The following ANKRD28 variants were observed in gnomAD, a reference collection of about 807,000 sequenced individuals.
ANKRD28 encodes serine/threonine-protein phosphatase 6 regulatory ankyrin repeat subunit A.
A neutral mutation model predicts 126.5 loss-of-function variants in ANKRD28; 44 were observed. The ratio of observed to expected loss-of-function variants is 0.35; its 90% confidence interval spans 0.27 to 0.45. ANKRD28 has a LOEUF of 0.45. ANKRD28 is among the 20% of genes least tolerant of loss of function. ANKRD28 has a pLI of 1.00. For synonymous variants in ANKRD28, 442 were observed against 468.5 expected, an observed-to-expected ratio of 0.94 and a Z score of 0.73; for missense variants, 1,110 against 1,316.6, an observed-to-expected ratio of 0.84 and a Z score of 2.43.
intron 1 of ANKRD28, among the ~76,000 whole-genome samples, chr3:15,844,697 T>C (rs991743465): frequency 2.0e-5 from 3 of 152,140 alleles, no homozygotes; most frequent in Non-Finnish European, 4.4e-5. Context: ...ATAATCTCCG[T>C]ATTGATAATC....
intron 1 of ANKRD28, among the ~76,000 whole-genome samples, chr3:15,819,820 C>T (rs2060905352): frequency 6.6e-6 from 1 of 152,158 alleles, no homozygotes; most frequent in South Asian, 2.1e-4. Context: ...AATCAGAAAT[C>T]ATTAGGGGTG....
At chr3:15,778,824 C>T (rs563102849) in intron 2 of ANKRD28, among the ~76,000 whole-genome samples, 9 of 152,286 alleles carry the variant, frequency 5.9e-5, no homozygotes, top group Admixed American at 2.6e-4. Context: ...ATAATCCCTA[C>T]GTGTCAAGGA....
At chr3:15,746,142 T>C (rs1165353526) in intron 4 of ANKRD28, among the ~76,000 whole-genome samples, 1 of 152,234 alleles carries the variant, frequency 6.6e-6, no homozygotes, top group Non-Finnish European at 1.5e-5. Flanking sequence ...TATGCGATCA[T>C]ATCATCAGCA....
rs987393908 is a variant in ANKRD28 at position 15,803,970 on chromosome 3, T to C, written c.28-8664A>G. On this transcript the variant is annotated intron_variant, in intron 1 of 27. Coordinates refer to the ANKRD28 transcript ENST00000399451. The stretch of plus-strand genomic sequence containing the variant: ...GAATATTAAAAAAATTCATAAAGAA[T>C]GGTGAGATCTGGCTCAATTCTACTC... Among the ~76,000 whole-genome samples, 39 of 145,272 alleles carry C rather than the reference T, an allele frequency of 2.7e-4. 13 individuals carry two copies. The highest frequency in any genetic ancestry group is 1.2e-3 in the Admixed American group (17 of 14,708).
intron 8 of ANKRD28, among the ~76,000 whole-genome samples, chr3:15,715,055 C>T (rs896295089): frequency 1.3e-5 from 2 of 151,980 alleles, no homozygotes; most frequent in African/African-American, 2.4e-5. Flanking sequence ...AAAATAAATA[C>T]AAATAATTAA....
chr3:15,771,325 G>A (rs532842085), intron 2 of ANKRD28, among the ~76,000 whole-genome samples: 31 of 150,686 alleles, frequency 2.1e-4, no homozygotes, highest in Non-Finnish European at 3.1e-4. Flanking sequence ...CAGCAGAATC[G>A]CTTGAACCTG....
intron 21 of ANKRD28, among the ~76,000 whole-genome samples, chr3:15,682,039 A>AT (rs1245627396): frequency 2.6e-5 from 4 of 152,244 alleles, no homozygotes; most frequent in African/African-American, 9.6e-5. Flanking sequence ...CTCCAGGTAT[A>AT]TGGGTTCTTA....
Position 15,712,191 on chromosome 3 carries a change from A to T in ANKRD28, c.1222T>A (p.Leu408Met). The change falls in exon 11 of 28, where the codon TTG becomes ATG. Residue 408 changes from leucine (L) to methionine (M), a missense_variant. Transcript: ENST00000683139. ...RGIHGMFPLHLAALSGFSDCC... is the reference protein window; with the variant it reads ...RGIHGMFPLHMAALSGFSDCC... ...TCTGAAAAGCCGCTTAAGGCTGCCA[A>T]ATGGAGGGGGAACATTCCATGTATG... The T allele has an allele frequency of 6.3e-7, 1 of 1,586,606 alleles. No individual in the cohort carries two copies. Among genetic ancestry groups the T allele is most frequent in the Non-Finnish European group, 8.6e-7 (1 of 1,165,902 alleles).
chr3:15,702,805 C>T (rs1182196161), intron 14 of ANKRD28, among the ~76,000 whole-genome samples: 1 of 152,088 alleles, frequency 6.6e-6, no homozygotes, highest in East Asian at 1.9e-4. Context: ...TGGCATACAA[C>T]AGTTCTTACC....
chr3:15,712,339 C>T (rs1575322649), intron 10 of ANKRD28, 117 bp from the exon 11 acceptor site: 1 of 787,788 alleles, frequency 1.3e-6, no homozygotes, highest in East Asian at 2.7e-5. Flanking sequence ...AAATGTCTAA[C>T]ACTTCGGAGA....
At chr3:15,774,039 A>C (rs1267002290) in intron 2 of ANKRD28, among the ~76,000 whole-genome samples, 1 of 152,218 alleles carries the variant, frequency 6.6e-6, no homozygotes, top group Non-Finnish European at 1.5e-5. Context: ...TAAAGTACAA[A>C]GGCAAGTCAA....
chr3:15,768,665 G>C (rs1051283340), intron 2 of ANKRD28, among the ~76,000 whole-genome samples: 1 of 151,456 alleles, frequency 6.6e-6, no homozygotes, highest in Non-Finnish European at 1.5e-5. Context: ...GGGGGCGGCG[G>C]TGGGGCAGGG....
intron 2 of ANKRD28, among the ~76,000 whole-genome samples, chr3:15,775,497 C>T (rs1181788357): frequency 2.0e-5 from 3 of 152,112 alleles, no homozygotes; most frequent in African/African-American, 7.2e-5. Flanking sequence ...AAAAGACTGC[C>T]CCTTACTTCA....
At chr3:15,732,311 G>A (rs1317224574) in intron 6 of ANKRD28, 1 of 152,322 alleles carries the variant, frequency 6.6e-6, no homozygotes, top group African/African-American at 2.4e-5. Flanking sequence ...CAGTTGGGAT[G>A]TGTTCACTGA....
chr3:15,845,165 G>A lies in ANKRD28; in HGVS notation c.27+14212C>T, dbSNP rs2061505619. Among the ~76,000 whole-genome samples, 1 of 152,184 alleles carries A rather than the reference G, an allele frequency of 6.6e-6. No individual in the cohort carries two copies. Among genetic ancestry groups the A allele is most frequent in the Non-Finnish European group, 1.5e-5 (1 of 68,050 alleles). On this transcript the variant is annotated intron_variant, in intron 1 of 27. Transcript: ENST00000399451. This position sits in a 1 kb window ranked among gnomAD's most constrained non-coding sequence, Gnocchi z 4.9. ...AACACTGGGGATTATAACTAGAAAT[G>A]AGATTTAGGCACACAAATCCAAACC... is the stretch of plus-strand genomic sequence containing the variant.
intron 8 of ANKRD28, among the ~76,000 whole-genome samples, chr3:15,716,849 C>T (rs747260169): frequency 1.3e-5 from 2 of 152,238 alleles, no homozygotes; most frequent in African/African-American, 2.4e-5. Context: ...ATAATTCCAG[C>T]GCTTGGGGAG....
chr3:15,722,076 A>C (rs1397143025), intron 7 of ANKRD28, among the ~76,000 whole-genome samples: 1 of 152,144 alleles, frequency 6.6e-6, no homozygotes, highest in African/African-American at 2.4e-5. Context: ...ATAAGGGAAT[A>C]GTTTATATGA....
intron 14 of ANKRD28, among the ~76,000 whole-genome samples, chr3:15,700,767 C>T (rs2070461581): frequency 6.6e-6 from 1 of 151,654 alleles, no homozygotes; most frequent in Admixed American, 6.6e-5. Flanking sequence ...AGTGAGACTG[C>T]AAAAGAAACA....
chr3:15,682,903 A>G (rs1202879291), intron 21 of ANKRD28, among the ~76,000 whole-genome samples: 3 of 152,220 alleles, frequency 2.0e-5, no homozygotes, highest in Non-Finnish European at 2.9e-5. Context: ...CAATTTTGCT[A>G]CAGGCTGAAA....
Sources: allele counts gnomAD v4.1 joint callset (sites outside exome capture counted in the v4.1 genomes callset), GRCh38; gene constraint gnomAD v4.1.1; non-coding constraint Gnocchi (gnomAD v3.1); transcripts MANE v1.5; gene names NCBI Gene and HGNC (gene_info 2026-07-23, HGNC 2026-07-21).